RBPMS2: variants seen among roughly 807,000 people sequenced by gnomAD.
RBPMS2 encodes RNA-binding protein with multiple splicing 2.
A neutral mutation model predicts 25.7 loss-of-function variants in RBPMS2; 14 were observed. That is an observed-to-expected ratio of 0.55 (90% confidence interval 0.36 to 0.85). RBPMS2 has a LOEUF of 0.85. Among genes scored for constraint, RBPMS2 ranks in the 40% least tolerant of loss-of-function variants. The pLI is 0.01. For missense variants in RBPMS2, 252 were observed against 283.4 expected, an observed-to-expected ratio of 0.89 and a Z score of 0.80; for synonymous variants, 127 against 115.6, an observed-to-expected ratio of 1.10 and a Z score of -0.63.
At chr15:64,762,790 C>T (rs975194706) in intron 1 of RBPMS2, among the ~76,000 whole-genome samples, 46 of 152,222 alleles carry the variant, frequency 3.0e-4, no homozygotes, top group Middle Eastern at 3.4e-3. Context: ...CAGTAGAATG[C>T]GACTGAGTCT....
chr15:64,770,644 C>CA (rs974162350), intron 1 of RBPMS2, among the ~76,000 whole-genome samples: 2 of 151,888 alleles, frequency 1.3e-5, no homozygotes, highest in African/African-American at 2.4e-5. Context: ...CCCTCATATT[C>CA]AAAAAAAGCC....
At position 64,741,822 on chromosome 15, in the gene RBPMS2, T is replaced by C. The variant is rs570685681; in HGVS notation, c.568-580A>G. ...GCTGAGGTGGGAGGATCACATGGGC[T>C]CAGGAGTTCAAGACCAGCCTGGGCA... On this transcript the variant is annotated intron_variant, in intron 6 of 7. Coordinates refer to ENST00000300069, the MANE Select transcript of RBPMS2 (RefSeq NM_194272.3). 3.9e-5 allele frequency among the ~76,000 whole-genome samples: 6 copies of C among 152,240 alleles called. No individual in the cohort carries two copies. In the East Asian group the frequency reaches 1.2e-3, roughly 29 times the overall value.
chr15:64,744,414 T>A lies in RBPMS2; in HGVS notation c.568-3172A>T, dbSNP rs146388163. On this transcript the variant is annotated intron_variant, in intron 6 of 7. Coordinates refer to ENST00000300069, the MANE Select transcript of RBPMS2 (RefSeq NM_194272.3). Reference sequence around the variant, plus strand: ...TCTCTACTAAAAATACAAAATCAGCTGGGCGTGGTGGTACATGCCTGTAAT... The same window carrying A: ...TCTCTACTAAAAATACAAAATCAGCAGGGCGTGGTGGTACATGCCTGTAAT... Among the ~76,000 whole-genome samples the A allele has an allele frequency of 6.2e-3, 940 of 151,694 alleles. 12 individuals are homozygous for A. The highest frequency in any genetic ancestry group is 0.022 in the African/African-American group (900 of 41,450).
chr15:64,764,607 G>C (rs1354315007), intron 1 of RBPMS2, among the ~76,000 whole-genome samples: 1 of 152,168 alleles, frequency 6.6e-6, no homozygotes, highest in Non-Finnish European at 1.5e-5. Context: ...GGATGTATAT[G>C]GCCACGACTG....
intron 1 of RBPMS2, among the ~76,000 whole-genome samples, chr15:64,753,342 C>G (rs778645758): frequency 6.6e-6 from 1 of 152,208 alleles, no homozygotes; most frequent in South Asian, 2.1e-4. Flanking sequence ...TACCAAAGAA[C>G]TTGCTCCGCT....
chr15:64,749,579 C>A, intron 3 of RBPMS2, 86 bp from the exon 4 acceptor site: 2 of 1,231,116 alleles, frequency 1.6e-6, no homozygotes, highest in South Asian at 1.3e-5. Flanking sequence ...AGAGTATCAT[C>A]TATGTGGAAA....
At chr15:64,753,978 C>T (rs1379451435) in intron 1 of RBPMS2, among the ~76,000 whole-genome samples, 1 of 152,132 alleles carries the variant, frequency 6.6e-6, no homozygotes, top group Non-Finnish European at 1.5e-5. Context: ...TCCAAGGTCA[C>T]ATGGCTTGTT....
At chr15:64,744,813 T>TG (rs2083602754) in intron 6 of RBPMS2, among the ~76,000 whole-genome samples, 1 of 110,640 alleles carries the variant, frequency 9.0e-6, no homozygotes, top group African/African-American at 3.6e-5. Flanking sequence ...TTTTTTTTTT[T>TG]TTTTTTTTTT....
intron 1 of RBPMS2, among the ~76,000 whole-genome samples, chr15:64,759,292 G>A (rs2083760571): frequency 6.6e-6 from 1 of 152,194 alleles, no homozygotes; most frequent in Non-Finnish European, 1.5e-5. Flanking sequence ...AATAGATCTA[G>A]GAGGAGCTTT....
At chr15:64,751,467 C>T in intron 2 of RBPMS2, 94 bp downstream of exon 2, 1 of 1,048,792 alleles carries the variant, frequency 9.5e-7, no homozygotes, top group Non-Finnish European at 1.5e-6. Flanking sequence ...CGCCTTCCCG[C>T]ATCATCCTGC....
At chr15:64,762,574 C>A (rs2083800298) in intron 1 of RBPMS2, 2 of 517,356 alleles carry the variant, frequency 3.9e-6, no homozygotes, top group South Asian at 1.4e-5. Flanking sequence ...GGGTCCAGCT[C>A]AGAAGATACC....
chr15:64,766,209 G>T (rs1186939376), intron 1 of RBPMS2, among the ~76,000 whole-genome samples: 1 of 152,284 alleles, frequency 6.6e-6, no homozygotes, highest in South Asian at 2.1e-4. Flanking sequence ...AAGAGCCTCT[G>T]CTCAGTTGGC....
intron 1 of RBPMS2, among the ~76,000 whole-genome samples, chr15:64,774,100 G>A (rs962264396): frequency 7.9e-5 from 12 of 152,212 alleles, no homozygotes; most frequent in African/African-American, 2.9e-4. Flanking sequence ...CAGCCCAGCC[G>A]AGGGCCACCG....
intron 1 of RBPMS2, among the ~76,000 whole-genome samples, chr15:64,761,472 T>G (rs2083785533): frequency 1.3e-5 from 2 of 152,236 alleles, no homozygotes; most frequent in South Asian, 4.1e-4. Flanking sequence ...AATGCTCTTT[T>G]GCAGACCTTG....
At chr15:64,754,873 C>T (rs1225417147) in intron 1 of RBPMS2, among the ~76,000 whole-genome samples, 1 of 152,188 alleles carries the variant, frequency 6.6e-6, no homozygotes, top group Non-Finnish European at 1.5e-5. Context: ...AAGAGTGCAG[C>T]CACCAGCGTC....
rs951430400 is a variant in RBPMS2 at position 64,750,300 on chromosome 15, C to A, written c.204+43G>T. On this transcript the variant is annotated intron_variant, in intron 3 of 7. Transcript: ENST00000300069. ...CGGGCCCTTGTTTGAAGCTCAGCAG[C>A]CGGTCTGGGCTGGGAGGAAGAAAAC... 1.9e-6 allele frequency: 3 copies of A among 1,573,092 alleles called. No homozygotes were observed. The African/African-American group carries it at 4.0e-5, about 21-fold the overall frequency.
intron 1 of RBPMS2, chr15:64,762,532 A>G (rs377567621): frequency 9.4e-6 from 5 of 534,412 alleles, no homozygotes; most frequent in Admixed American, 1.9e-5. Context: ...CAAGGGAAAG[A>G]GACCCCACTG....
chr15:64,750,794 C>A (rs1190466840), intron 2 of RBPMS2, among the ~76,000 whole-genome samples: 1 of 152,204 alleles, frequency 6.6e-6, no homozygotes, highest in African/African-American at 2.4e-5. Context: ...AATCCCAGCA[C>A]TTTGGGAGGC....
intron 1 of RBPMS2, among the ~76,000 whole-genome samples, chr15:64,772,375 C>A (rs939975796): frequency 6.6e-6 from 1 of 152,206 alleles, no homozygotes; most frequent in African/African-American, 2.4e-5. Context: ...CAGGACAGCA[C>A]AACCTCTAGA....
Sources: gnomAD v4.1 joint callset for allele counts (sites outside exome capture counted in the v4.1 genomes callset) on GRCh38, gnomAD v4.1.1 for gene constraint, MANE v1.5 for transcripts, NCBI Gene and HGNC (gene_info 2026-07-23, HGNC 2026-07-21) for gene names.